Variants in EIF4H observed in about 807,000 individuals in gnomAD.
EIF4H encodes the protein eukaryotic translation initiation factor 4H.
Under a neutral mutation model 30.6 loss-of-function variants are expected in EIF4H, and 8 were observed. That is an observed-to-expected ratio of 0.26 (90% CI 0.15 to 0.47). EIF4H has a LOEUF of 0.47. Among genes scored for constraint, EIF4H ranks in the 20% least tolerant of loss-of-function variants. The pLI is 0.99. For missense variants in EIF4H, 188 were observed against 339.5 expected (o/e 0.55, Z 3.51); for synonymous variants, 106 against 122.7 (o/e 0.86, Z 0.90).
chr7:74,177,905 CCT>C (rs1340322255), intron 1 of EIF4H, among the ~76,000 whole-genome samples: 1 of 152,176 alleles, frequency 6.6e-6, no homozygotes, highest in Non-Finnish European at 1.5e-5. Flanking sequence ...AGTTTCTTCA[CCT>C]CTCTGAGCCT....
At chr7:74,175,011 G>C (rs1336372157) in intron 1 of EIF4H, among the ~76,000 whole-genome samples, 1 of 152,196 alleles carries the variant, frequency 6.6e-6, no homozygotes, top group African/African-American at 2.4e-5. Flanking sequence ...CCTTGCGGGC[G>C]GGGGGAGACC....
rs1801362680 is a variant in EIF4H, at chr7:74,196,780, CTCCT to C, written c.*1480_*1483del. On this transcript the variant is annotated 3_prime_UTR_variant, in exon 7 of 7. Coordinates refer to ENST00000265753, the MANE Select transcript of EIF4H (RefSeq NM_022170.2). Reference sequence around the variant, plus strand: ...GCCTCAGCAATCCACAGAACTCTCTCTCCTTCCTTCCACCTGTCAGCTTCTCTGC... The same window carrying C: ...GCCTCAGCAATCCACAGAACTCTCTCTCCTTCCACCTGTCAGCTTCTCTGC... 2.0e-5 allele frequency: 3 copies of C among 151,664 alleles called. 1 individual carries two copies. Among genetic ancestry groups the C allele is most frequent in the South Asian group, 4.2e-4 (2 of 4,788 alleles). 9.4% of individuals were successfully genotyped at this position (151,664 alleles called of 1,614,324 possible).
At chr7:74,184,095 T>C (rs1265790266) in intron 1 of EIF4H, among the ~76,000 whole-genome samples, 2 of 152,176 alleles carry the variant, frequency 1.3e-5, no homozygotes, top group Admixed American at 6.6e-5. Context: ...TCCAGAATTA[T>C]ATCACCAGTT....
intron 5 of EIF4H, among the ~76,000 whole-genome samples, chr7:74,192,564 G>A (rs554581298): frequency 6.6e-6 from 1 of 152,054 alleles, no homozygotes; most frequent in East Asian, 1.9e-4. Context: ...AGGTGGTTCT[G>A]TGGAGTTGCT....
chr7:74,190,400 T>G, intron 5 of EIF4H, 94 bp downstream of exon 5: 3 of 1,249,932 alleles, frequency 2.4e-6, no homozygotes, highest in Non-Finnish European at 3.5e-6. Flanking sequence ...CCGGACTACT[T>G]ATTTAGTTCC....
intron 1 of EIF4H, among the ~76,000 whole-genome samples, chr7:74,181,743 CT>C (rs36044860): frequency 1.3e-5 from 2 of 149,140 alleles, no homozygotes; most frequent in Non-Finnish European, 3.0e-5. Context: ...CGAGCCCGGC[CT>C]TTTTTTTTGA....
At chr7:74,194,993 C>T in intron 6 of EIF4H, 115 bp downstream of exon 6, 1 of 1,503,412 alleles carries the variant, frequency 6.7e-7, no homozygotes, top group East Asian at 2.3e-5. Flanking sequence ...GCATAGATCC[C>T]CACGTTCTCT....
intron 1 of EIF4H, among the ~76,000 whole-genome samples, chr7:74,176,802 A>G (rs781973605): frequency 6.6e-6 from 1 of 152,224 alleles, no homozygotes; most frequent in Non-Finnish European, 1.5e-5. Flanking sequence ...ATTGTTCAGC[A>G]AGCAAATCAA....
chr7:74,185,514 C>T (rs773757502), intron 1 of EIF4H, among the ~76,000 whole-genome samples: 7 of 151,504 alleles, frequency 4.6e-5, no homozygotes, highest in African/African-American at 9.7e-5. Context: ...TAGAACAGAA[C>T]GTGGAACTTC....
chr7:74,193,106 C>A (rs1801262078), intron 5 of EIF4H, among the ~76,000 whole-genome samples: 1 of 152,192 alleles, frequency 6.6e-6, no homozygotes, highest in African/African-American at 2.4e-5. Flanking sequence ...TGTTAGAAAG[C>A]TCATCCCACA....
chr7:74,175,964 T>C (rs1183862717), intron 1 of EIF4H, among the ~76,000 whole-genome samples: 1 of 152,186 alleles, frequency 6.6e-6, no homozygotes, highest in Non-Finnish European at 1.5e-5. Context: ...ATTAAGATGC[T>C]ATTAATTTCA....
chr7:74,175,605 A>T (rs1800820612), intron 1 of EIF4H, among the ~76,000 whole-genome samples: 1 of 152,198 alleles, frequency 6.6e-6, no homozygotes, highest in Admixed American at 6.6e-5. Flanking sequence ...CATTCCAAAG[A>T]ACATTTTATT....
chr7:74,174,463 C>T (rs782677815), intron 1 of EIF4H, 21 bp downstream of exon 1: 15 of 1,411,656 alleles, frequency 1.1e-5, no homozygotes, highest in South Asian at 9.5e-5. Context: ...CGTGCGCGGG[C>T]CCCGTCGGGG....
Position 74,187,774 on chromosome 7 carries a change from G to A in EIF4H, c.223G>A (p.Asp75Asn). The change falls in exon 2 of 7, where the codon GAC becomes AAC. Residue 75 changes from aspartate to asparagine, a missense_variant. This residue lies in a region of EIF4H where 52 missense variants were observed against 143.9 expected (regional missense o/e 0.36). Coordinates refer to ENST00000265753, the MANE Select transcript of EIF4H (RefSeq NM_022170.2). ...LSIRSVRLVRDKDTDKFKGFC... is the reference protein window; with the variant it reads ...LSIRSVRLVRNKDTDKFKGFC... ...CATAAGGAGTGTACGGCTAGTCAGA[G>A]ACAAAGACACAGATAAATTTAAAGG... 6.2e-7 allele frequency: 1 copy of A among 1,610,174 alleles called. No homozygotes were observed. Among genetic ancestry groups the A allele is most frequent in the Non-Finnish European group, 8.5e-7 (1 of 1,177,360 alleles).
At chr7:74,181,148 A>G (rs1052741699) in intron 1 of EIF4H, among the ~76,000 whole-genome samples, 3 of 152,140 alleles carry the variant, frequency 2.0e-5, no homozygotes, top group African/African-American at 7.2e-5. Context: ...GAAACTCTAT[A>G]CCCACTAAAC....
chr7:74,175,772 G>C (rs1800826255), intron 1 of EIF4H, among the ~76,000 whole-genome samples: 1 of 150,574 alleles, frequency 6.6e-6, no homozygotes, highest in Non-Finnish European at 1.5e-5. Flanking sequence ...GAAGTACCCA[G>C]AAAAATTCTT....
intron 5 of EIF4H, among the ~76,000 whole-genome samples, chr7:74,192,957 C>T (rs889400596): frequency 6.6e-5 from 10 of 152,292 alleles, no homozygotes; most frequent in African/African-American, 2.2e-4. Flanking sequence ...GGATTACAGG[C>T]GTGAGCCACC....
intron 1 of EIF4H, among the ~76,000 whole-genome samples, chr7:74,182,457 C>G (rs189486639): frequency 8.5e-5 from 13 of 152,354 alleles, no homozygotes; most frequent in African/African-American, 3.1e-4. Flanking sequence ...TCCCGAAGTG[C>G]CGGGATTGCA....
At chr7:74,180,068 A>G (rs1800924827) in intron 1 of EIF4H, among the ~76,000 whole-genome samples, 1 of 151,930 alleles carries the variant, frequency 6.6e-6, no homozygotes, top group Non-Finnish European at 1.5e-5. Flanking sequence ...GTGGTGGTAT[A>G]TGCCTATAGT....
Sources: gnomAD v4.1 joint callset for allele counts (sites outside exome capture counted in the v4.1 genomes callset) on GRCh38, gnomAD v4.1.1 for gene constraint, gnomAD v4.1.1 regional missense constraint, MANE v1.5 for transcripts, NCBI Gene and HGNC (gene_info 2026-07-23, HGNC 2026-07-21) for gene names.